CDH22: variants seen among roughly 807,000 people sequenced by gnomAD.
The protein encoded by CDH22 is cadherin-22.
CDH22 carries 30 observed loss-of-function variants against 58.4 expected under a neutral mutation model. The ratio of observed to expected loss-of-function variants is 0.51; its 90% CI spans 0.38 to 0.70. CDH22 has a LOEUF of 0.70. Among genes scored for constraint, CDH22 ranks in the 30% least tolerant of loss-of-function variants. The pLI is 0.00. For synonymous variants in CDH22, 513 were observed against 558.2 expected, an observed-to-expected ratio of 0.92 and a Z score of 1.14; for missense variants, 1,014 against 1,233.9, an observed-to-expected ratio of 0.82 and a Z score of 2.67.
intron 1 of CDH22, among the ~76,000 whole-genome samples, chr20:46,276,440 G>A (rs1600724424): frequency 6.6e-6 from 1 of 152,212 alleles, no homozygotes; most frequent in Non-Finnish European, 1.5e-5. Context: ...ACAGTCGTGG[G>A]CGATTGATTG....
chr20:46,251,143 T>G lies in CDH22; in HGVS notation c.152A>C (p.Gln51Pro), dbSNP rs1178203678. Residue 51 changes from glutamine to proline, a missense_variant, in exon 2 of 12, where the codon CAG (glutamine) becomes CCG (proline). Around this residue, in one of 2 missense-constraint regions of CDH22, gnomAD observed 806 missense variants for 1,038.7 expected, o/e 0.78. Transcript: ENST00000537909. This position sits in a 1 kb window ranked among gnomAD's most constrained non-coding sequence, Gnocchi z 6.7. ...TPSPSAPGAR[Q>P]DGALGAGRVK... is the part of the protein sequence containing the mutation. ...GCGGCCGGCTCCCAGCGCGCCGTCC[T>G]GCCGAGCTCCGGGCGCCGACGGCGA... The G allele has an allele frequency of 1.9e-6, 3 of 1,596,904 alleles. No individual in the cohort carries two copies. The highest frequency in any genetic ancestry group is 2.6e-6 in the Non-Finnish European group (3 of 1,172,736).
intron 1 of CDH22, among the ~76,000 whole-genome samples, chr20:46,281,889 C>T (rs556907128): frequency 4.6e-5 from 7 of 152,340 alleles, no homozygotes; most frequent in South Asian, 2.1e-4. Context: ...GCGGAGCACA[C>T]GCATTAATTC....
At position 46,174,380 on chromosome 20, in the gene CDH22, C is replaced by T. The variant is rs1349569039; in HGVS notation, c.*126G>A. 1.1e-4 allele frequency: 73 copies of T among 646,846 alleles called. 1 individual carries two copies. The South Asian group carries it at 1.6e-3, about 14-fold the overall frequency. The allele number at this position is 646,846 out of a possible 1,614,324, so 40.1% of individuals were successfully genotyped here. A position where few individuals can be genotyped will look rare whatever the true frequency, so the allele number is the denominator to read the frequency against. ...GTCCGCTCCTAGCAAGTCCCCCCTC[C>T]GTCCAGCCGCCAAGGGAGGGTTGGG... On this transcript the variant is annotated 3_prime_UTR_variant, in exon 12 of 12. Transcript: ENST00000537909. The surrounding 1 kb of genome is among the most constrained non-coding windows in gnomAD (Gnocchi z 4.4).
In CDH22 at chr20:46,199,379, G is replaced by A. The variant is rs200243798; in HGVS notation, c.1423+44C>T. 4.4e-6 allele frequency: 7 copies of A among 1,587,712 alleles called. No individual in the cohort carries two copies. The Admixed American group carries it at 1.2e-4, about 27-fold the overall frequency. ...GCCCCTCCCTTCAGCTTTTGCTCCT[G>A]GGCCCCATATTTGCCCTTGGAGGGG... On this transcript the variant is annotated intron_variant, in intron 8 of 11. Coordinates refer to ENST00000537909, the MANE Select transcript of CDH22 (RefSeq NM_021248.3).
intron 2 of CDH22, among the ~76,000 whole-genome samples, chr20:46,244,148 C>T (rs2086311869): frequency 6.6e-6 from 1 of 152,188 alleles, no homozygotes; most frequent in Non-Finnish European, 1.5e-5. Flanking sequence ...GGGTCTCCAT[C>T]ATGTCCCTGC....
In CDH22 at chr20:46,230,600, A is replaced by T. The variant is rs146748891; in HGVS notation, c.551-2973T>A. ...ACATTATTCAATAACTGATAAAGAT[A>T]GCTTCCATTTATTAAATAACAACTT... On this transcript the variant is annotated intron_variant, in intron 3 of 11. Coordinates refer to ENST00000537909, the MANE Select transcript of CDH22 (RefSeq NM_021248.3). 1.1e-3 allele frequency among the ~76,000 whole-genome samples: 163 copies of T among 152,358 alleles called. 2 individuals are homozygous for T. Among genetic ancestry groups the T allele is most frequent in the African/African-American group, 3.8e-3 (159 of 41,572 alleles).
At chr20:46,204,318 C>T (rs542060046) in intron 7 of CDH22, among the ~76,000 whole-genome samples, 14 of 145,768 alleles carry the variant, frequency 9.6e-5, no homozygotes, top group Admixed American at 2.1e-4. Context: ...TGCATGAACC[C>T]GGGAGGCAGA....
rs1201198251 is a variant in CDH22 at position 46,216,696 on chromosome 20, C to T, written c.838+130G>A. On this transcript the variant is annotated intron_variant, in intron 5 of 11. Coordinates refer to ENST00000537909, the MANE Select transcript of CDH22 (RefSeq NM_021248.3). The surrounding 1 kb of genome is among the most constrained non-coding windows in gnomAD (Gnocchi z 5.3). ...CTGGTGGCTTGGGAGGACAGACAGACAGACAGAAAGAGAGGGGGAAGCCCT... is the reference window on the plus strand; with the variant it reads ...CTGGTGGCTTGGGAGGACAGACAGATAGACAGAAAGAGAGGGGGAAGCCCT... The T allele has an allele frequency of 3.4e-6, 3 of 892,722 alleles. No individual in the cohort carries two copies. The highest frequency in any genetic ancestry group is 5.2e-6 in the Non-Finnish European group (3 of 571,766). The allele number at this position is 892,722 out of a possible 1,614,324, so 55.3% of individuals were successfully genotyped here. A position where few individuals can be genotyped will look rare whatever the true frequency, so the allele number is the denominator to read the frequency against.
chr20:46,214,753 C>T (rs1456045626), intron 5 of CDH22, among the ~76,000 whole-genome samples: 1 of 152,222 alleles, frequency 6.6e-6, no homozygotes, highest in Non-Finnish European at 1.5e-5. Flanking sequence ...GGGAACCTTC[C>T]CAGACCTCCA....
intron 2 of CDH22, among the ~76,000 whole-genome samples, chr20:46,242,735 TAAC>T (rs1348194966): frequency 2.0e-5 from 3 of 152,274 alleles, no homozygotes; most frequent in East Asian, 1.9e-4. Context: ...TTCATGATTT[TAAC>T]AACAAGTACA....
At chr20:46,186,202 C>CAAA (rs57944745) in intron 10 of CDH22, among the ~76,000 whole-genome samples, 38 of 81,112 alleles carry the variant, frequency 4.7e-4, no homozygotes, top group African/African-American at 1.2e-3. Flanking sequence ...GACCCTGTCT[C>CAAA]AAAAAAAAAA....
chr20:46,281,825 G>A (rs1449735763), intron 1 of CDH22, among the ~76,000 whole-genome samples: 3 of 152,262 alleles, frequency 2.0e-5, no homozygotes, highest in African/African-American at 7.2e-5. Context: ...TGAGAAAGGA[G>A]TTTACAGTTC....
intron 1 of CDH22, among the ~76,000 whole-genome samples, chr20:46,273,088 C>A (rs1311021444): frequency 6.6e-6 from 1 of 152,112 alleles, no homozygotes; most frequent in Non-Finnish European, 1.5e-5. Flanking sequence ...AAGGGTGAAT[C>A]CTTTGGAGTT....
chr20:46,267,992 T>A (rs2086469563), intron 1 of CDH22, among the ~76,000 whole-genome samples: 1 of 152,254 alleles, frequency 6.6e-6, no homozygotes, highest in Non-Finnish European at 1.5e-5. Context: ...CACAGGGAAC[T>A]CTGGAGCTGG....
chr20:46,223,727 C>CTTTCTTTCTTTTTCTTTCTTTCTCTT (rs144964967), intron 4 of CDH22, among the ~76,000 whole-genome samples: 3 of 111,942 alleles, frequency 2.7e-5, no homozygotes, highest in Non-Finnish European at 3.7e-5. Context: ...TTCTTTCTTT[C>CTTTCTTTCTTTTTCTTTCTTTCTCTT]TCTTTCTTTC....
At chr20:46,207,322 A>T (rs1287400789) in intron 7 of CDH22, among the ~76,000 whole-genome samples, 1 of 152,094 alleles carries the variant, frequency 6.6e-6, no homozygotes, top group Non-Finnish European at 1.5e-5. Context: ...GGAGAGTGGA[A>T]TTGGAGAGGA....
At chr20:46,203,152 C>T (rs936504747) in intron 7 of CDH22, among the ~76,000 whole-genome samples, 1 of 151,574 alleles carries the variant, frequency 6.6e-6, no homozygotes, top group East Asian at 1.9e-4. Flanking sequence ...GCGGGGGCAG[C>T]GGGGACCCGC....
Position 46,308,446 on chromosome 20 carries a change from C to T in CDH22, c.-591G>A. 9.2e-6 allele frequency: 2 copies of T among 218,236 alleles called. No homozygotes were observed. Among genetic ancestry groups the T allele is most frequent in the East Asian group, 8.4e-5 (1 of 11,972 alleles). 13.5% of individuals were successfully genotyped at this position (218,236 alleles called of 1,614,324 possible). A position where few individuals can be genotyped will look rare whatever the true frequency, so the allele number is the denominator to read the frequency against. ...GTGTGTGAGCGAGAGAGCGAGAGAG[C>T]GAGAGAGCGAGGGAGTGAGCGAGCG... is the stretch of plus-strand genomic sequence containing the variant. On this transcript the variant is annotated 5_prime_UTR_variant, in exon 1 of 12. Transcript: ENST00000537909. This position sits in a 1 kb window ranked among gnomAD's most constrained non-coding sequence, Gnocchi z 4.3.
chr20:46,214,072 G>A (rs1353596497), intron 5 of CDH22, among the ~76,000 whole-genome samples: 1 of 152,124 alleles, frequency 6.6e-6, no homozygotes, highest in Non-Finnish European at 1.5e-5. Flanking sequence ...AGGTGGGGAG[G>A]GAGCGAGCCA....
Sources: allele counts gnomAD v4.1 joint callset (sites outside exome capture counted in the v4.1 genomes callset), GRCh38; gene constraint gnomAD v4.1.1; regional missense constraint gnomAD v4.1.1; non-coding constraint Gnocchi (gnomAD v3.1); transcripts MANE v1.5; gene names NCBI Gene and HGNC (gene_info 2026-07-23, HGNC 2026-07-21).